The following FBXW8 variants were observed in gnomAD, a reference collection of about 807,000 sequenced individuals.
The protein encoded by FBXW8 is F-box/WD repeat-containing protein 8.
In FBXW8, 57 loss-of-function variants were observed where a neutral mutation model predicts 65.3. The observed-to-expected ratio is 0.87, with a 90% CI of 0.71 to 1.09. The LOEUF is 1.09. Ranked by LOEUF, FBXW8 falls within the 50% of genes least tolerant of loss-of-function variation. The probability of loss-of-function intolerance (pLI) is 0.00; values close to 1 mark genes in which losing one functional copy is unlikely to be tolerated. For synonymous variants in FBXW8, 308 were observed against 330.2 expected, an observed-to-expected ratio of 0.93 and a Z score of 0.73; for missense variants, 777 against 814.8, an observed-to-expected ratio of 0.95 and a Z score of 0.57.
At chr12:116,962,782 T>G (rs775953918) in intron 4 of FBXW8, among the ~76,000 whole-genome samples, 4 of 152,180 alleles carry the variant, frequency 2.6e-5, no homozygotes, top group Non-Finnish European at 5.9e-5. Flanking sequence ...TTCAAACATG[T>G]CTCATCTGTT....
intron 1 of FBXW8, among the ~76,000 whole-genome samples, chr12:116,914,747 T>A (rs1880264836): frequency 6.6e-6 from 1 of 151,880 alleles, no homozygotes; most frequent in Admixed American, 6.6e-5. Flanking sequence ...TGGTGGTGGG[T>A]GCCTGTAATC....
At chr12:116,994,506 A>T (rs1435552108) in intron 7 of FBXW8, among the ~76,000 whole-genome samples, 1 of 152,236 alleles carries the variant, frequency 6.6e-6, no homozygotes, top group Non-Finnish European at 1.5e-5. Context: ...CAGTTTCTCT[A>T]TCTGGAGCCA....
chr12:116,945,336 G>T, intron 2 of FBXW8, 28 bp from the exon 3 acceptor site: 2 of 1,590,420 alleles, frequency 1.3e-6, no homozygotes, highest in South Asian at 2.3e-5. Context: ...TGCAGAATTT[G>T]ACATTTGTGT....
chr12:116,985,392 T>G lies in FBXW8; in HGVS notation c.1022T>G (p.Val341Gly). The G allele has an allele frequency of 6.2e-7, 1 of 1,611,182 alleles. No homozygotes were observed. Residue 341 changes from valine (V) to glycine (G), a missense_variant, in exon 6 of 11, where the codon GTT becomes GGT. Physicochemically the swap from Val to Gly is moderately radical, Grantham distance 109. Transcript: ENST00000652555. ...GYWQIAAEFE[V>G]PKLVQYLEIV... ...TGGCAGATAGCTGCGGAATTTGAAG[T>G]TCCGAAACTGGTGAGCTTTTTAGTC...
At chr12:116,944,111 C>T (rs2137342855) in intron 2 of FBXW8, among the ~76,000 whole-genome samples, 1 of 152,290 alleles carries the variant, frequency 6.6e-6, no homozygotes, top group East Asian at 1.9e-4. Flanking sequence ...AATCCTGGAG[C>T]TGGAAGAGGA....
chr12:116,924,689 G>A (rs535103492), intron 1 of FBXW8, among the ~76,000 whole-genome samples: 2 of 152,248 alleles, frequency 1.3e-5, no homozygotes, highest in South Asian at 2.1e-4. Flanking sequence ...TCTGCTGCCC[G>A]ACAGTAGTAG....
intron 6 of FBXW8, 75 bp from the exon 7 acceptor site, chr12:116,988,588 G>GTGTA (rs2135675525): frequency 7.7e-7 from 1 of 1,297,102 alleles, no homozygotes; most frequent in East Asian, 2.3e-5. Context: ...TCTCATTGAT[G>GTGTA]TGTAGGTGGA....
intron 7 of FBXW8, among the ~76,000 whole-genome samples, chr12:116,998,049 C>T (rs189292137): frequency 6.6e-6 from 1 of 152,282 alleles, no homozygotes; most frequent in African/African-American, 2.4e-5. Context: ...GAACTCCTGA[C>T]TTCAGGTGAT....
chr12:117,024,432 AG>A lies in FBXW8; in HGVS notation c.1541+114del, dbSNP rs1954179143. Reference sequence around the variant, plus strand: ...ATGCCCCCTACCCCCCGGCTTCGCCAGGTGAATCCTTACTGTGACCCTAGGA... The same window carrying A: ...ATGCCCCCTACCCCCCGGCTTCGCCAGTGAATCCTTACTGTGACCCTAGGA... On this transcript the variant is annotated intron_variant, in intron 9 of 10. Transcript: ENST00000652555. 3 of 1,244,770 alleles carry A rather than the reference AG, an allele frequency of 2.4e-6. No individual in the cohort carries two copies. In the Admixed American group the frequency reaches 6.2e-5, roughly 26 times the overall value. 77.1% of individuals were successfully genotyped at this position (1,244,770 alleles called of 1,614,324 possible).
At chr12:116,943,655 G>A (rs572967391) in intron 2 of FBXW8, among the ~76,000 whole-genome samples, 1 of 152,156 alleles carries the variant, frequency 6.6e-6, no homozygotes, top group Non-Finnish European at 1.5e-5. Context: ...CCAGAGGGGA[G>A]AGGTTAGGGC....
At chr12:116,962,369 T>A (rs771129093) in intron 4 of FBXW8, among the ~76,000 whole-genome samples, 6 of 152,194 alleles carry the variant, frequency 3.9e-5, no homozygotes, top group Non-Finnish European at 7.3e-5. Flanking sequence ...TCCCAAGCTT[T>A]GTTGTTTTGC....
At chr12:116,970,202 C>G (rs1044609737) in intron 5 of FBXW8, among the ~76,000 whole-genome samples, 98 of 152,146 alleles carry the variant, frequency 6.4e-4, no homozygotes, top group African/African-American at 2.2e-3. Flanking sequence ...AAATCTCGCT[C>G]TTTGGTGAGA....
Position 116,961,196 on chromosome 12 carries a change from C to G in FBXW8, c.678-3501C>G, listed in dbSNP as rs770060850. On this transcript the variant is annotated intron_variant, in intron 4 of 10. Transcript: ENST00000652555. The surrounding 1 kb of genome is among the most constrained non-coding windows in gnomAD (Gnocchi z 4.4). Reference sequence around the variant, plus strand: ...TTTTTAGTAGAGACGAGGTTTCACCCTGTTGGCCAGGCTGGTCTCAACCTC... The same window carrying G: ...TTTTTAGTAGAGACGAGGTTTCACCGTGTTGGCCAGGCTGGTCTCAACCTC... Among the ~76,000 whole-genome samples, 7 of 152,114 alleles carry G rather than the reference C, an allele frequency of 4.6e-5. No homozygotes were observed. The highest frequency in any genetic ancestry group is 8.8e-5 in the Non-Finnish European group (6 of 68,012).
At chr12:116,941,446 A>T (rs1006020221) in intron 2 of FBXW8, among the ~76,000 whole-genome samples, 5 of 152,218 alleles carry the variant, frequency 3.3e-5, no homozygotes, top group African/African-American at 1.2e-4. Context: ...GCCTGTAGGG[A>T]AAGTGACTGA....
chr12:117,028,165 A>C lies in FBXW8; in HGVS notation c.1790A>C (p.His597Pro). 1.2e-6 allele frequency: 2 copies of C among 1,613,820 alleles called. No individual in the cohort carries two copies. The highest frequency in any genetic ancestry group is 1.7e-6 in the Non-Finnish European group (2 of 1,179,844). Reference protein sequence around the residue: ...YDLALAFPYNHV With the variant: ...YDLALAFPYNPV ...CTCGCACTGGCCTTTCCCTATAACC[A>C]TGTTTAGGGATGTGCCTCAGTTGGG... The change falls in exon 11 of 11, where the codon CAT (histidine) becomes CCT (proline). Residue 597 changes from histidine to proline, a missense_variant. Physicochemically the swap from His to Pro is moderately conservative, Grantham distance 77. Transcript: ENST00000652555. This position sits in a 1 kb window ranked among gnomAD's most constrained non-coding sequence, Gnocchi z 4.1.
chr12:116,924,848 A>G (rs1292899837), intron 1 of FBXW8, among the ~76,000 whole-genome samples: 1 of 152,204 alleles, frequency 6.6e-6, no homozygotes, highest in Non-Finnish European at 1.5e-5. Flanking sequence ...TTCTCAAATG[A>G]TATTTCCAAT....
At chr12:116,924,806 A>T (rs1252075932) in intron 1 of FBXW8, among the ~76,000 whole-genome samples, 3 of 152,208 alleles carry the variant, frequency 2.0e-5, no homozygotes, top group African/African-American at 7.2e-5. Flanking sequence ...ACAGGGCCAA[A>T]TATGCTCACA....
chr12:116,912,937 C>T (rs1469000230), intron 1 of FBXW8, among the ~76,000 whole-genome samples: 1 of 152,212 alleles, frequency 6.6e-6, no homozygotes. Context: ...GATTTTAACT[C>T]TCCTTTTACA....
At chr12:117,003,820 T>G (rs1480820696) in intron 7 of FBXW8, among the ~76,000 whole-genome samples, 3 of 152,266 alleles carry the variant, frequency 2.0e-5, no homozygotes, top group Non-Finnish European at 4.4e-5. Context: ...CATTCTCTTT[T>G]AGGACTTTCT....
Sources: allele counts gnomAD v4.1 joint callset (sites outside exome capture counted in the v4.1 genomes callset), GRCh38; gene constraint gnomAD v4.1.1; non-coding constraint Gnocchi (gnomAD v3.1); transcripts MANE v1.5; gene names NCBI Gene and HGNC (gene_info 2026-07-23, HGNC 2026-07-21).